Variants in WRAP73 observed in about 807,000 individuals in gnomAD.
WRAP73 encodes WD repeat containing, antisense to TP73.
Under a neutral mutation model 59.6 loss-of-function variants are expected in WRAP73, and 55 were observed. That is an observed-to-expected ratio of 0.92 (90% CI 0.74 to 1.15). The LOEUF is 1.15. Among genes scored for constraint, WRAP73 ranks in the 50% most tolerant of loss-of-function variants. The probability of loss-of-function intolerance (pLI) is 0.00; values close to 1 mark genes in which losing one functional copy is unlikely to be tolerated. For missense variants in WRAP73, 592 were observed against 608.1 expected (o/e 0.97, Z 0.28); for synonymous variants, 265 against 258.2 (o/e 1.03, Z -0.25).
rs1303258785 is a variant in WRAP73, at chr1:3,632,944, G to A, written c.922+454C>T. On this transcript the variant is annotated intron_variant, in intron 9 of 11. Transcript: ENST00000270708. ...ATGCCCTCATGCCCCTGTGGGATGG[G>A]TGCTTTTACTATGCCCATTTCAGCG... 2.7e-5 allele frequency: 6 copies of A among 223,676 alleles called. No individual in the cohort carries two copies. In the East Asian group the frequency reaches 7.0e-4, roughly 26 times the overall value. The allele number at this position is 223,676 out of a possible 1,614,324, so 13.9% of individuals were successfully genotyped here. A position where few individuals can be genotyped will look rare whatever the true frequency, so the allele number is the denominator to read the frequency against.
rs1644614260 is a variant in WRAP73 at position 3,639,032 on chromosome 1, T to C, written c.340-210A>G. ...TAAATTTGGTGTTCTTGGTTTTCTG[T>C]TGTTGTTGTTTTATACCAAAATTGA... On this transcript the variant is annotated intron_variant, in intron 3 of 11. Coordinates refer to ENST00000270708, the MANE Select transcript of WRAP73 (RefSeq NM_017818.4). This position sits in a 1 kb window ranked among gnomAD's most constrained non-coding sequence, Gnocchi z 4.3. The C allele has an allele frequency of 1.9e-6, 1 of 521,006 alleles. No homozygotes were observed. Among genetic ancestry groups the C allele is most frequent in the East Asian group, 3.2e-5 (1 of 30,774 alleles). The allele number at this position is 521,006 out of a possible 1,614,324, so 32.3% of individuals were successfully genotyped here. A position where few individuals can be genotyped will look rare whatever the true frequency, so the allele number is the denominator to read the frequency against.
At chr1:3,638,966 C>A in intron 3 of WRAP73, 144 bp from the exon 4 acceptor site, 2 of 761,150 alleles carry the variant, frequency 2.6e-6, no homozygotes, top group Non-Finnish European at 4.3e-6. Flanking sequence ...TGCCTGCCCT[C>A]CTACCGGAAT....
rs1477507189 is a variant in WRAP73 at position 3,646,916 on chromosome 1, G to A, written c.223-134C>T. ...CAAACTCATCAGCAGTCTATAGCGA[G>A]GCCTCGCCGAGAGACAACTCCCTTA... On this transcript the variant is annotated intron_variant, in intron 2 of 11. Transcript: ENST00000270708. The surrounding 1 kb of genome is among the most constrained non-coding windows in gnomAD (Gnocchi z 5.1). The A allele has an allele frequency of 1.0e-4, 70 of 678,280 alleles. No homozygotes were observed. Among genetic ancestry groups the A allele is most frequent in the Non-Finnish European group, 1.7e-4 (70 of 400,058 alleles). 42.0% of individuals were successfully genotyped at this position (678,280 alleles called of 1,614,324 possible). A position where few individuals can be genotyped will look rare whatever the true frequency, so the allele number is the denominator to read the frequency against.
intron 7 of WRAP73, 36 bp downstream of exon 7, chr1:3,635,124 G>T (rs543507197): frequency 6.2e-6 from 10 of 1,614,022 alleles, no homozygotes; most frequent in Non-Finnish European, 7.6e-6. Flanking sequence ...CCCGCTGGGC[G>T]GTCGGACTTC....
chr1:3,647,002 G>A (rs1475503692), intron 2 of WRAP73, among the ~76,000 whole-genome samples: 1 of 152,204 alleles, frequency 6.6e-6, no homozygotes, highest in African/African-American at 2.4e-5. Flanking sequence ...TGAAGGGCTG[G>A]TGCTGGATTC....
rs113429155 is a variant in WRAP73 at position 3,631,444 on chromosome 1, G to A, written c.1240+22C>T. 8.0e-4 allele frequency: 1,255 copies of A among 1,568,380 alleles called. 12 individuals carry two copies. The African/African-American group carries it at 0.015, about 19-fold the overall frequency. The stretch of plus-strand genomic sequence containing the variant: ...TGCACACAGCAAGGCTGCCACGTCC[G>A]TGGCCTCGGGGATGTGCTTACCTTC... On this transcript the variant is annotated intron_variant, in intron 11 of 11. Coordinates refer to ENST00000270708, the MANE Select transcript of WRAP73 (RefSeq NM_017818.4).
intron 11 of WRAP73, 34 bp downstream of exon 11, chr1:3,631,432 G>GA (rs1233146221): frequency 6.4e-7 from 1 of 1,555,920 alleles, no homozygotes; most frequent in Non-Finnish European, 8.7e-7. Context: ...ACACAGCAAG[G>GA]CTGCCACGTC....
At chr1:3,640,656 G>A (rs898109843) in intron 3 of WRAP73, among the ~76,000 whole-genome samples, 6 of 150,176 alleles carry the variant, frequency 4.0e-5, no homozygotes, top group African/African-American at 1.5e-4. Context: ...AGCATCAGCA[G>A]GGCAGGGTGG....
At chr1:3,631,412 G>T (rs777824511) in intron 11 of WRAP73, 54 bp downstream of exon 11, 6 of 1,539,876 alleles carry the variant, frequency 3.9e-6, no homozygotes. Context: ...CCCGTGTGAT[G>T]CCAGACTGCA....
chr1:3,637,294 T>C (rs1007949376), intron 4 of WRAP73, among the ~76,000 whole-genome samples, 196 bp from the exon 5 acceptor site: 10 of 152,334 alleles, frequency 6.6e-5, no homozygotes, highest in Admixed American at 5.2e-4. Flanking sequence ...CACGGTGCCT[T>C]CACCCTCACA....
chr1:3,638,637 T>C, intron 4 of WRAP73, 113 bp downstream of exon 4: 1 of 1,099,464 alleles, frequency 9.1e-7, no homozygotes, highest in Non-Finnish European at 1.4e-6. Flanking sequence ...CCAAGGGGGT[T>C]GGCTATGTGT....
rs1570313726 is a variant in WRAP73, at chr1:3,647,700, C to A, written c.70-140G>T. 1.0e-5 allele frequency: 9 copies of A among 868,922 alleles called. No individual in the cohort carries two copies. The East Asian group carries it at 2.4e-4, about 23-fold the overall frequency. 53.8% of individuals were successfully genotyped at this position (868,922 alleles called of 1,614,324 possible). A position where few individuals can be genotyped will look rare whatever the true frequency, so the allele number is the denominator to read the frequency against. On this transcript the variant is annotated intron_variant, in intron 1 of 11. Coordinates refer to ENST00000270708, the MANE Select transcript of WRAP73 (RefSeq NM_017818.4). ...TCATGTCTAGATCACCAGTGACATCCCCAGCCCCTAAAGATCAGTTCAGTT... is the reference window on the plus strand; with the variant it reads ...TCATGTCTAGATCACCAGTGACATCACCAGCCCCTAAAGATCAGTTCAGTT...
rs780318680 is a variant in WRAP73, at chr1:3,650,030, G to T, written c.-31C>A. 9.5e-6 allele frequency: 15 copies of T among 1,573,560 alleles called. No individual in the cohort carries two copies. The African/African-American group carries it at 1.5e-4, about 16-fold the overall frequency. ...CCGCCTGCCGCGGGCGCCACCCTGC[G>T]CCCGAAAACCCGCGGGACCCCTGGG... On this transcript the variant is annotated 5_prime_UTR_variant, in exon 1 of 12. Coordinates refer to ENST00000270708, the MANE Select transcript of WRAP73 (RefSeq NM_017818.4).
chr1:3,646,600 C>T lies in WRAP73; in HGVS notation c.339+66G>A. On this transcript the variant is annotated intron_variant, in intron 3 of 11. Transcript: ENST00000270708. The surrounding 1 kb of genome is among the most constrained non-coding windows in gnomAD (Gnocchi z 5.1). ...CCAAACACACCCCCTCTCGCACTCC[C>T]CAGCTGTTTCGAGAGCAGAGGACAG... 2.2e-6 allele frequency: 3 copies of T among 1,387,570 alleles called. No homozygotes were observed. The highest frequency in any genetic ancestry group is 2.3e-5 in the East Asian group (1 of 42,636). The allele number at this position is 1,387,570 out of a possible 1,614,324, so 86.0% of individuals were successfully genotyped here.
chr1:3,642,072 CAA>C (rs1194393239), intron 3 of WRAP73, among the ~76,000 whole-genome samples: 2 of 152,190 alleles, frequency 1.3e-5, no homozygotes, highest in African/African-American at 2.4e-5. Flanking sequence ...CAGCTAACAA[CAA>C]AGTCTCAAAA....
chr1:3,633,924 A>C, intron 8 of WRAP73: 1 of 166,566 alleles, frequency 6.0e-6, no homozygotes, highest in Non-Finnish European at 1.3e-5. Flanking sequence ...CTGGCAAGCA[A>C]AGGACAGCGG....
chr1:3,645,595 C>T (rs918266802), intron 3 of WRAP73, among the ~76,000 whole-genome samples: 4 of 152,314 alleles, frequency 2.6e-5, no homozygotes, highest in East Asian at 1.9e-4. Context: ...TATGAGCACT[C>T]AGTGGACTTG....
At chr1:3,638,110 TGAA>T (rs943737636) in intron 4 of WRAP73, among the ~76,000 whole-genome samples, 1 of 152,118 alleles carries the variant, frequency 6.6e-6, no homozygotes, top group Non-Finnish European at 1.5e-5. Flanking sequence ...CAGAGAAAAA[TGAA>T]AGCATCATTC....
Position 3,634,988 on chromosome 1 carries a change from C to T in WRAP73, c.816+9G>A, listed in dbSNP as rs764452400. 2.5e-6 allele frequency: 4 copies of T among 1,614,174 alleles called. No individual in the cohort carries two copies. The highest frequency in any genetic ancestry group is 3.4e-6 in the Non-Finnish European group (4 of 1,180,034). ...CCTGCTCAGGCAGAAACACGTGTTC[C>T]AGACTTACTATCTTGGGATCATTAA... On this transcript the variant is annotated intron_variant, in intron 8 of 11. Transcript: ENST00000270708.
Sources: gnomAD v4.1 joint callset for allele counts (sites outside exome capture counted in the v4.1 genomes callset) on GRCh38, gnomAD v4.1.1 for gene constraint, Gnocchi (gnomAD v3.1) non-coding constraint, MANE v1.5 for transcripts, NCBI Gene and HGNC (gene_info 2026-07-23, HGNC 2026-07-21) for gene names.